SRGAP2: variants seen among roughly 807,000 people sequenced by gnomAD.
The protein encoded by SRGAP2 is SLIT-ROBO Rho GTPase-activating protein 2.
In SRGAP2, 15 loss-of-function variants were observed where a neutral mutation model predicts 57.2. That is an observed-to-expected ratio of 0.26 (90% CI 0.18 to 0.40). The LOEUF (loss-of-function observed/expected upper bound fraction) is 0.40, where lower values mean the gene tolerates loss of function less well. Ranked by LOEUF, SRGAP2 falls within the 10% of genes least tolerant of loss-of-function variation. The pLI, the probability that SRGAP2 is intolerant of heterozygous loss-of-function variation, is 1.00. For synonymous variants in SRGAP2, 249 were observed against 248.0 expected (o/e 1.00, Z -0.04); for missense variants, 520 against 669.6 (o/e 0.78, Z 2.47).
chr1:206,461,157 G>C lies in SRGAP2; in HGVS notation c.2953G>C (p.Val985Leu), dbSNP rs1553380489. Residue 985 changes from valine (V) to leucine (L), a missense_variant, in exon 23 of 23, where the codon GTG becomes CTG. Physicochemically the swap from Val to Leu is conservative, Grantham distance 32. Around this residue, in one of 5 missense-constraint regions of SRGAP2, gnomAD observed 478 missense variants for 373.6 expected, o/e 1.28. Transcript: ENST00000573034. ...CTTGGAGCCCCTCAAAACCTCCCCA[G>C]TGGTGGCCCCCACGTCAGAGCCCTC... Reference protein sequence around the residue: ...DTLEPLKTSPVVAPTSEPSSP... With the variant: ...DTLEPLKTSPLVAPTSEPSSP... The C allele has an allele frequency of 1.3e-6, 1 of 780,698 alleles. No individual in the cohort carries two copies. The highest frequency in any genetic ancestry group is 1.3e-5 in the South Asian group (1 of 74,594). The allele number at this position is 780,698 out of a possible 1,614,324, so 48.4% of individuals were successfully genotyped here. A position where few individuals can be genotyped will look rare whatever the true frequency, so the allele number is the denominator to read the frequency against.
intron 10 of SRGAP2, among the ~76,000 whole-genome samples, chr1:206,411,582 C>T (rs902168936): frequency 6.6e-6 from 1 of 152,206 alleles, no homozygotes; most frequent in African/African-American, 2.4e-5. Flanking sequence ...GGGAAACAGC[C>T]ACTATAGTGA....
At chr1:206,243,532 C>T (rs1553309618) in intron 2 of SRGAP2, among the ~76,000 whole-genome samples, 1 of 152,148 alleles carries the variant, frequency 6.6e-6, no homozygotes, top group Non-Finnish European at 1.5e-5. Context: ...CAAGAGGCTT[C>T]GAGTCATAGG....
intron 4 of SRGAP2, among the ~76,000 whole-genome samples, chr1:206,360,765 C>T (rs1460309056): frequency 5.3e-5 from 8 of 151,086 alleles, no homozygotes; most frequent in African/African-American, 1.9e-4. Flanking sequence ...TAGTCAAGCC[C>T]TGTAATTCAT....
intron 4 of SRGAP2, among the ~76,000 whole-genome samples, chr1:206,355,695 A>G (rs1553339163): frequency 6.6e-6 from 1 of 152,184 alleles, no homozygotes; most frequent in Non-Finnish European, 1.5e-5. Context: ...GGCTGGGCAC[A>G]GTGGCTTATG....
At chr1:206,440,152 A>G (rs782215578) in intron 17 of SRGAP2, 71 bp downstream of exon 17, 4 of 741,044 alleles carry the variant, frequency 5.4e-6, no homozygotes, top group East Asian at 2.5e-5. Context: ...CTATGGACCT[A>G]TGCCTATTCA....
At chr1:206,206,734 AAT>A (rs1665948753) in intron 2 of SRGAP2, 1 of 137,308 alleles carries the variant, frequency 7.3e-6, no homozygotes, top group Non-Finnish European at 1.5e-5. Context: ...GGGAAGACAT[AAT>A]TGTTTAACCC....
chr1:206,287,277 G>C (rs1671078020), intron 2 of SRGAP2, among the ~76,000 whole-genome samples: 1 of 151,488 alleles, frequency 6.6e-6, no homozygotes, highest in African/African-American at 2.4e-5. Context: ...TTAAGTTCTA[G>C]GTACCTGTTA....
chr1:206,279,600 G>A (rs1213963924), intron 2 of SRGAP2, among the ~76,000 whole-genome samples: 4 of 77,768 alleles, frequency 5.1e-5, no homozygotes, highest in Admixed American at 3.9e-4. Flanking sequence ...TTTTTTTTTT[G>A]TAGAGACAAG....
chr1:206,427,175 TCTG>T (rs2103272877), intron 13 of SRGAP2, among the ~76,000 whole-genome samples: 1 of 152,324 alleles, frequency 6.6e-6, no homozygotes, highest in South Asian at 2.1e-4. Flanking sequence ...GTTTCATTCT[TCTG>T]CTGCTATTAT....
chr1:206,358,378 C>A (rs1267302451), intron 4 of SRGAP2, among the ~76,000 whole-genome samples: 1 of 149,234 alleles, frequency 6.7e-6, no homozygotes, highest in Non-Finnish European at 1.5e-5. Flanking sequence ...GTGGTCTTTG[C>A]AATCTCTAAG....
intron 4 of SRGAP2, among the ~76,000 whole-genome samples, chr1:206,364,466 A>T (rs1553343748): frequency 2.6e-5 from 4 of 151,764 alleles, no homozygotes; most frequent in African/African-American, 9.7e-5. Flanking sequence ...ATGCCTGGCT[A>T]ATTTTTGTAT....
chr1:206,331,645 G>T (rs1571877443), intron 3 of SRGAP2, among the ~76,000 whole-genome samples: 2 of 120,818 alleles, frequency 1.7e-5, no homozygotes, highest in Non-Finnish European at 1.7e-5. Flanking sequence ...GCCTTTTTTT[G>T]TTTTCCATTT....
intron 10 of SRGAP2, among the ~76,000 whole-genome samples, chr1:206,414,428 A>G (rs1325647705): frequency 1.3e-5 from 2 of 152,226 alleles, no homozygotes; most frequent in Non-Finnish European, 2.9e-5. Context: ...TACTTAATAT[A>G]CATTAAAAGA....
intron 2 of SRGAP2, among the ~76,000 whole-genome samples, chr1:206,267,911 C>A (rs1235967118): frequency 6.6e-6 from 1 of 151,120 alleles, no homozygotes; most frequent in Non-Finnish European, 1.5e-5. Flanking sequence ...AAAAAGGAAT[C>A]CAGAAAAAAA....
chr1:206,416,818 G>A (rs1417633648), intron 11 of SRGAP2, among the ~76,000 whole-genome samples: 2 of 152,102 alleles, frequency 1.3e-5, no homozygotes, highest in African/African-American at 4.8e-5. Flanking sequence ...ATAGGAGGGA[G>A]TGGAAGGGAG....
chr1:206,295,809 C>T (rs1671557491), intron 2 of SRGAP2, among the ~76,000 whole-genome samples: 1 of 152,152 alleles, frequency 6.6e-6, no homozygotes, highest in Non-Finnish European at 1.5e-5. Context: ...TTCAGAAATC[C>T]TCACTTTATC....
intron 4 of SRGAP2, among the ~76,000 whole-genome samples, chr1:206,383,773 T>C (rs1163312514): frequency 6.8e-6 from 1 of 146,776 alleles, no homozygotes; most frequent in Non-Finnish European, 1.5e-5. Context: ...GCTACCACCC[T>C]TTTTCCCTCT....
At chr1:206,373,977 T>C (rs1168443311) in intron 4 of SRGAP2, among the ~76,000 whole-genome samples, 2 of 150,530 alleles carry the variant, frequency 1.3e-5, no homozygotes, top group Admixed American at 1.3e-4. Context: ...CTAAATGACA[T>C]ATATGGATAC....
At chr1:206,447,151 C>A (rs1662825515) in intron 18 of SRGAP2, among the ~76,000 whole-genome samples, 1 of 152,174 alleles carries the variant, frequency 6.6e-6, no homozygotes. Context: ...CTGCCTCTCT[C>A]TTTTAATCCC....
Sources: allele counts gnomAD v4.1 joint callset (sites outside exome capture counted in the v4.1 genomes callset), GRCh38; gene constraint gnomAD v4.1.1; regional missense constraint gnomAD v4.1.1; transcripts MANE v1.5; gene names NCBI Gene and HGNC (gene_info 2026-07-23, HGNC 2026-07-21).